The following GRID1 variants were observed in gnomAD, a reference collection of about 807,000 sequenced individuals.
The protein encoded by GRID1 is glutamate ionotropic receptor delta type subunit 1, also known as glutamate receptor ionotropic, delta-1.
GRID1 carries 28 observed loss-of-function variants against 98.0 expected under a neutral mutation model. The observed-to-expected ratio is 0.29, with a 90% CI of 0.21 to 0.39. The LOEUF (loss-of-function observed/expected upper bound fraction) is 0.39. GRID1 is among the 10% of genes least tolerant of loss of function. The pLI is 1.00. For synonymous variants in GRID1, 553 were observed against 538.5 expected, an observed-to-expected ratio of 1.03 and a Z score of -0.37; for missense variants, 1,111 against 1,340.5, an observed-to-expected ratio of 0.83 and a Z score of 2.67.
intron 2 of GRID1, among the ~76,000 whole-genome samples, chr10:86,254,823 C>A (rs1240869713): frequency 6.6e-6 from 1 of 152,246 alleles, no homozygotes; most frequent in Non-Finnish European, 1.5e-5. Context: ...TGCAAGCGAA[C>A]CTGGCTGAAC....
chr10:86,010,438 G>A (rs755246506), intron 4 of GRID1, among the ~76,000 whole-genome samples: 1 of 152,206 alleles, frequency 6.6e-6, no homozygotes, highest in Non-Finnish European at 1.5e-5. Context: ...TGAAGGGCAG[G>A]CAGGGTGCCC....
intron 2 of GRID1, among the ~76,000 whole-genome samples, chr10:86,250,803 G>A (rs1846814908): frequency 6.6e-6 from 1 of 152,158 alleles, no homozygotes; most frequent in Non-Finnish European, 1.5e-5. Context: ...TCTGGGAGGT[G>A]GGGGGCCCCT....
chr10:85,640,804 C>A (rs185520811), intron 13 of GRID1, among the ~76,000 whole-genome samples: 1 of 152,336 alleles, frequency 6.6e-6, no homozygotes, highest in African/African-American at 2.4e-5. Context: ...CACATGCAAT[C>A]TAGTGCAAGA....
At chr10:86,362,757 T>G (rs868739124) in intron 2 of GRID1, among the ~76,000 whole-genome samples, 18 of 152,314 alleles carry the variant, frequency 1.2e-4, no homozygotes, top group Middle Eastern at 6.8e-3. Flanking sequence ...AGGCATCCTG[T>G]CCTTGCAGGC....
chr10:85,800,461 C>T (rs1842565710), intron 8 of GRID1, among the ~76,000 whole-genome samples: 1 of 151,862 alleles, frequency 6.6e-6, no homozygotes, highest in Non-Finnish European at 1.5e-5. Flanking sequence ...TAAATAACTC[C>T]AAGATCATAG....
rs888603693 is a variant in GRID1 at position 85,600,404 on chromosome 10, T to C, written c.*1869A>G. On this transcript the variant is annotated 3_prime_UTR_variant, in exon 16 of 16. Transcript: ENST00000327946. ...TTAGCTGACTGTGTGATTTGGCCGT[T>C]CTTTACTGCTCAATCATGTCACTAG... The C allele has an allele frequency of 6.6e-6, 1 of 152,230 alleles. No homozygotes were observed. Among genetic ancestry groups the C allele is most frequent in the African/African-American group, 2.4e-5 (1 of 41,464 alleles). The allele number at this position is 152,230 out of a possible 1,614,324, so 9.4% of individuals were successfully genotyped here.
At chr10:85,865,451 T>C (rs1843205655) in intron 6 of GRID1, among the ~76,000 whole-genome samples, 1 of 152,110 alleles carries the variant, frequency 6.6e-6, no homozygotes, top group African/African-American at 2.4e-5. Context: ...TTGCAAAAAT[T>C]CCCTGTTCTT....
intron 2 of GRID1, among the ~76,000 whole-genome samples, chr10:86,243,917 C>T (rs761790516): frequency 4.6e-5 from 7 of 152,378 alleles, no homozygotes; most frequent in African/African-American, 7.2e-5. Context: ...TCTGCACACA[C>T]GTGCCACACA....
chr10:85,828,978 TA>T (rs1471528247), intron 8 of GRID1, among the ~76,000 whole-genome samples: 1 of 152,112 alleles, frequency 6.6e-6, no homozygotes, highest in Non-Finnish European at 1.5e-5. Flanking sequence ...ATCATTCTAA[TA>T]CCAAAACCTA....
chr10:85,731,278 G>A (rs897428965), intron 8 of GRID1, among the ~76,000 whole-genome samples: 1 of 151,658 alleles, frequency 6.6e-6, no homozygotes, highest in South Asian at 2.1e-4. Flanking sequence ...GAATAATAGG[G>A]TGCCTTGGTG....
At chr10:86,118,007 T>A (rs1033118201) in intron 4 of GRID1, among the ~76,000 whole-genome samples, 3 of 152,246 alleles carry the variant, frequency 2.0e-5, no homozygotes, top group Non-Finnish European at 2.9e-5. Flanking sequence ...TGCACACGCA[T>A]GTTTATAGCA....
chr10:86,100,051 T>C (rs1174148758), intron 4 of GRID1, among the ~76,000 whole-genome samples: 2 of 152,110 alleles, frequency 1.3e-5, no homozygotes, highest in African/African-American at 4.8e-5. Context: ...CAGCATAGCA[T>C]GGGGAGAAGT....
At chr10:85,898,890 C>T (rs374668022) in intron 5 of GRID1, among the ~76,000 whole-genome samples, 19 of 152,186 alleles carry the variant, frequency 1.2e-4, no homozygotes, top group African/African-American at 3.6e-4. Flanking sequence ...ATAGTATAGT[C>T]GCCTATTATT....
Position 85,994,294 on chromosome 10 carries a change from A to T in GRID1, c.727-78055T>A, listed in dbSNP as rs192665725. On this transcript the variant is annotated intron_variant, in intron 4 of 15. Transcript: ENST00000327946. ...CTGACCTGCCGGGTCTGCTGTGAGGATCCCACAGTGTCAGCATCTGTGAGT... is the reference window on the plus strand; with the variant it reads ...CTGACCTGCCGGGTCTGCTGTGAGGTTCCCACAGTGTCAGCATCTGTGAGT... Among the ~76,000 whole-genome samples the T allele has an allele frequency of 5.9e-5, 9 of 152,346 alleles. No homozygotes were observed. In the East Asian group the frequency reaches 1.7e-3, roughly 29 times the overall value.
rs764728729 is a variant in GRID1 at position 86,138,863 on chromosome 10, T to C, written c.682A>G (p.Ile228Val). Residue 228 changes from isoleucine to valine, a missense_variant, in exon 4 of 16, where the codon ATC becomes GTC. By Grantham distance (29) the Ile-to-Val change is conservative. Coordinates refer to ENST00000327946, the MANE Select transcript of GRID1 (RefSeq NM_017551.3). The part of the protein sequence containing the change: ...NRYRDTLRRA[I>V]LLLSPQGAHS... ...GCTCCCTGTGGGCTGAGCAGCAGGA[T>C]GGCGCGGCGAAGCGTGTCCCGGTAG... 1.2e-6 allele frequency: 2 copies of C among 1,614,194 alleles called. No individual in the cohort carries two copies. Among genetic ancestry groups the C allele is most frequent in the African/African-American group, 1.3e-5 (1 of 75,058 alleles).
At chr10:85,756,959 T>C (rs533198935) in intron 8 of GRID1, among the ~76,000 whole-genome samples, 29 of 152,340 alleles carry the variant, frequency 1.9e-4, no homozygotes, top group Non-Finnish European at 4.0e-4. Context: ...TGTAGTTTTA[T>C]AGCTTAAGGA....
chr10:86,246,242 G>C (rs531163092), intron 2 of GRID1, among the ~76,000 whole-genome samples: 9 of 152,332 alleles, frequency 5.9e-5, no homozygotes, highest in Middle Eastern at 3.4e-3. Context: ...CACCGGCCCT[G>C]CCACTCCCTG....
chr10:85,958,969 A>AAAAAGAAAG (rs1554842510), intron 4 of GRID1, among the ~76,000 whole-genome samples: 1 of 151,176 alleles, frequency 6.6e-6, no homozygotes, highest in African/African-American at 2.4e-5. Context: ...AAAAAAAAAA[A>AAAAAGAAAG]AAAGAAAGAA....
At chr10:85,626,114 A>G (rs1842909936) in intron 13 of GRID1, among the ~76,000 whole-genome samples, 1 of 152,240 alleles carries the variant, frequency 6.6e-6, no homozygotes, top group South Asian at 2.1e-4. Context: ...TGCCAGGTGC[A>G]GGGTAGGTGT....
Sources: gnomAD v4.1 joint callset for allele counts (sites outside exome capture counted in the v4.1 genomes callset) on GRCh38, gnomAD v4.1.1 for gene constraint, MANE v1.5 for transcripts, NCBI Gene and HGNC (gene_info 2026-07-23, HGNC 2026-07-21) for gene names.